The following CREB3L2 variants were observed in gnomAD, a reference collection of about 807,000 sequenced individuals.
CREB3L2 encodes cAMP responsive element binding protein 3 like 2, also known as cyclic AMP-responsive element-binding protein 3-like protein 2.
In CREB3L2, 23 loss-of-function variants were observed where a neutral mutation model predicts 57.2. The ratio of observed to expected loss-of-function variants is 0.40; its 90% CI spans 0.29 to 0.57. The LOEUF is 0.57. CREB3L2 is among the 20% of genes least tolerant of loss of function. The pLI is 0.42. For missense variants in CREB3L2, 628 were observed against 634.7 expected (o/e 0.99, Z 0.11); for synonymous variants, 268 against 265.1 (o/e 1.01, Z -0.11).
In CREB3L2 at chr7:137,876,606, G is replaced by A. The variant is rs1201112325; in HGVS notation, c.*3870C>T. ...ACGTCACCACCACCTACTCTCTCCT[G>A]TAACTGCCCTCCCAGCGGGGCCTAT... On this transcript the variant is annotated 3_prime_UTR_variant, in exon 12 of 12. Transcript: ENST00000330387. The A allele has an allele frequency of 4.3e-6, 1 of 233,032 alleles. No individual in the cohort carries two copies. The highest frequency in any genetic ancestry group is 2.2e-5 in the African/African-American group (1 of 45,366). 14.4% of individuals were successfully genotyped at this position (233,032 alleles called of 1,614,324 possible). A position where few individuals can be genotyped will look rare whatever the true frequency, so the allele number is the denominator to read the frequency against.
chr7:137,928,334 C>T lies in CREB3L2; in HGVS notation c.135G>A (p.Gln45=). The T allele has an allele frequency of 6.2e-7, 1 of 1,614,078 alleles. No homozygotes were observed. Among genetic ancestry groups the T allele is most frequent in the Non-Finnish European group, 8.5e-7 (1 of 1,179,998 alleles). Residue 45 remains glutamine (Q), a synonymous_variant, in exon 2 of 12, where the codon CAG becomes CAA. Coordinates refer to ENST00000330387, the MANE Select transcript of CREB3L2 (RefSeq NM_194071.4). ...CATTCAGGAGCTGACCCAAGACGTT[C>T]TGGGAAAACTCATCCAGAAGTTCTG... The part of the protein sequence containing the change: ...HFSELLDEFS[Q]NVLGQLLNDP...
chr7:137,953,352 A>G (rs1400084489), intron 1 of CREB3L2: 9 of 603,526 alleles, frequency 1.5e-5, no homozygotes, highest in African/African-American at 5.7e-5. Context: ...TTCCTTCCTT[A>G]TGACCAAATT....
At chr7:137,957,296 T>C (rs1323435763) in intron 1 of CREB3L2, among the ~76,000 whole-genome samples, 2 of 152,210 alleles carry the variant, frequency 1.3e-5, no homozygotes, top group African/African-American at 4.8e-5. Flanking sequence ...ACACATTTCC[T>C]TCTCTTAACA....
intron 3 of CREB3L2, among the ~76,000 whole-genome samples, chr7:137,915,308 T>C (rs961894904): frequency 6.6e-5 from 10 of 152,118 alleles, no homozygotes; most frequent in African/African-American, 1.9e-4. Flanking sequence ...ATAGGTGTTA[T>C]TATTACTATT....
chr7:137,882,692 AC>A (rs2117172935), intron 10 of CREB3L2, 64 bp from the exon 11 acceptor site: 8 of 1,147,802 alleles, frequency 7.0e-6, no homozygotes, highest in Non-Finnish European at 9.7e-6. Flanking sequence ...ACATTCCCTC[AC>A]TCCAGGTGCT....
chr7:137,910,086 G>A (rs1282957801), intron 4 of CREB3L2, among the ~76,000 whole-genome samples: 1 of 152,100 alleles, frequency 6.6e-6, no homozygotes, highest in East Asian at 1.9e-4. Flanking sequence ...TTTATCAGCA[G>A]CATGAAAACA....
At chr7:137,957,782 G>A in intron 1 of CREB3L2, 2 of 1,288,028 alleles carry the variant, frequency 1.6e-6, no homozygotes, top group Non-Finnish European at 2.0e-6. Context: ...AAGAAGAGTG[G>A]TAAATGCAAT....
chr7:137,908,936 A>G (rs550253900), intron 4 of CREB3L2, among the ~76,000 whole-genome samples: 35 of 152,288 alleles, frequency 2.3e-4, no homozygotes, highest in Non-Finnish European at 4.4e-4. Flanking sequence ...AGATCATGCT[A>G]AAATACAAAA....
At chr7:137,912,534 A>C (rs983460596) in intron 4 of CREB3L2, among the ~76,000 whole-genome samples, 3 of 152,256 alleles carry the variant, frequency 2.0e-5, no homozygotes, top group Non-Finnish European at 2.9e-5. Flanking sequence ...CAATGTTTAC[A>C]AACAATGAAT....
intron 8 of CREB3L2, among the ~76,000 whole-genome samples, chr7:137,889,572 C>T (rs1246037542): frequency 6.6e-6 from 1 of 152,122 alleles, no homozygotes; most frequent in Non-Finnish European, 1.5e-5. Context: ...TGGTGGAAAG[C>T]GCAACAGTGA....
intron 1 of CREB3L2, among the ~76,000 whole-genome samples, chr7:137,956,241 G>A (rs886686243): frequency 3.9e-5 from 6 of 152,162 alleles, no homozygotes; most frequent in Middle Eastern, 3.2e-3. Flanking sequence ...CGAGTGAGAC[G>A]AATAAGCTAT....
intron 8 of CREB3L2, among the ~76,000 whole-genome samples, chr7:137,892,369 G>A (rs1799543660): frequency 6.6e-6 from 1 of 150,848 alleles, no homozygotes; most frequent in Admixed American, 6.6e-5. Context: ...AAAACAACTT[G>A]GTCAGGCACG....
At chr7:137,967,708 T>C (rs554763942) in intron 1 of CREB3L2, among the ~76,000 whole-genome samples, 3 of 152,202 alleles carry the variant, frequency 2.0e-5, no homozygotes, top group Non-Finnish European at 4.4e-5. Flanking sequence ...TCCCGATCGC[T>C]GGAAACTGAC....
intron 3 of CREB3L2, among the ~76,000 whole-genome samples, chr7:137,914,565 A>T (rs1800085744): frequency 6.6e-6 from 1 of 152,154 alleles, no homozygotes; most frequent in Admixed American, 6.5e-5. Context: ...CGGGAGGCGG[A>T]GGTTGCAGTG....
Position 137,915,936 on chromosome 7 carries a change from G to A in CREB3L2, c.396C>T (p.Asp132=), listed in dbSNP as rs145713623. 1.8e-4 allele frequency: 285 copies of A among 1,614,030 alleles called. No individual in the cohort carries two copies. Among genetic ancestry groups the A allele is most frequent in the African/African-American group, 1.5e-3 (113 of 75,020 alleles). ...STSIKTEPVT[D]EPPPGLVPSV... is the part of the protein sequence containing the mutation. ...ACGGAACGAGTCCTGGGGGTGGTTC[G>A]TCTGTAACTGGCTCTGTCTTGATGG... Residue 132 remains aspartate, a synonymous_variant, in exon 3 of 12, where the codon GAC becomes GAT. Coordinates refer to ENST00000330387, the MANE Select transcript of CREB3L2 (RefSeq NM_194071.4).
At chr7:137,967,836 T>C (rs973588322) in intron 1 of CREB3L2, among the ~76,000 whole-genome samples, 7 of 152,088 alleles carry the variant, frequency 4.6e-5, no homozygotes, top group Admixed American at 4.6e-4. Context: ...AACCATCACC[T>C]CCCCTCACTG....
At chr7:137,920,287 G>A (rs1004080265) in intron 2 of CREB3L2, among the ~76,000 whole-genome samples, 2 of 152,304 alleles carry the variant, frequency 1.3e-5, no homozygotes, top group Middle Eastern at 3.4e-3. Context: ...TTGCAGGATG[G>A]AACTAATGTT....
At chr7:137,964,607 A>T (rs979935556) in intron 1 of CREB3L2, among the ~76,000 whole-genome samples, 6 of 152,268 alleles carry the variant, frequency 3.9e-5, no homozygotes, top group Admixed American at 6.5e-5. Flanking sequence ...GGGAGGGAAC[A>T]AGCATGATAT....
At chr7:137,945,313 T>C (rs1196894121) in intron 1 of CREB3L2, among the ~76,000 whole-genome samples, 1 of 152,268 alleles carries the variant, frequency 6.6e-6, no homozygotes, top group Non-Finnish European at 1.5e-5. Flanking sequence ...TACGGTTTTT[T>C]AATTCTTCTT....
Sources: gnomAD v4.1 joint callset for allele counts (sites outside exome capture counted in the v4.1 genomes callset) on GRCh38, gnomAD v4.1.1 for gene constraint, MANE v1.5 for transcripts, NCBI Gene and HGNC (gene_info 2026-07-23, HGNC 2026-07-21) for gene names.